KCTD17: variants seen among roughly 807,000 people sequenced by gnomAD.
KCTD17 encodes potassium channel tetramerization domain containing 17, also known as BTB/POZ domain-containing protein KCTD17.
Under a neutral mutation model 41.5 loss-of-function variants are expected in KCTD17, and 20 were observed. The ratio of observed to expected loss-of-function variants is 0.48; its 90% CI spans 0.34 to 0.70. The LOEUF is 0.70. KCTD17 is among the 30% of genes least tolerant of loss of function. The pLI, the probability that KCTD17 is intolerant of heterozygous loss-of-function variation, is 0.01. For missense variants in KCTD17, 317 were observed against 427.2 expected, an observed-to-expected ratio of 0.74 and a Z score of 2.27; for synonymous variants, 156 against 173.8, an observed-to-expected ratio of 0.90 and a Z score of 0.80.
In KCTD17 at chr22:37,052,006, G is replaced by A. The variant is rs1186375123; in HGVS notation, c.189+57G>A. The A allele has an allele frequency of 6.1e-6, 8 of 1,315,632 alleles. No individual in the cohort carries two copies. In the Admixed American group the frequency reaches 1.8e-4, roughly 29 times the overall value. The allele number at this position is 1,315,632 out of a possible 1,614,324, so 81.5% of individuals were successfully genotyped here. ...GGTGGGTCCTCCGCTCGCCCGACGCGGGGCTGTCGGGCCTGGCTCGCCCGC... is the reference window on the plus strand; with the variant it reads ...GGTGGGTCCTCCGCTCGCCCGACGCAGGGCTGTCGGGCCTGGCTCGCCCGC... On this transcript the variant is annotated intron_variant, in intron 1 of 8. Coordinates refer to ENST00000403888, the MANE Select transcript of KCTD17 (RefSeq NM_001282684.2).
At chr22:37,056,481 C>G in intron 3 of KCTD17, 70 bp downstream of exon 3, 1 of 1,329,700 alleles carries the variant, frequency 7.5e-7, no homozygotes, top group Non-Finnish European at 1.1e-6. Context: ...AGAGACGGGG[C>G]GGGAAGCAGA....
In KCTD17 at chr22:37,061,168, C is replaced by T. The variant is rs548803912; in HGVS notation, c.777C>T (p.Pro259=). 146 of 1,550,934 alleles carry T rather than the reference C, an allele frequency of 9.4e-5. 1 individual carries two copies. The highest frequency in any genetic ancestry group is 2.2e-4 in the African/African-American group (16 of 73,152). The part of the protein sequence containing the change: ...SLPPLPPPPL[P]AGGSRPHPLR... ...CACCACTGCCTCCTCCTCCGCTTCC[C>T]GCTGGAGGTCCTGCCTCATCTTCAT... Residue 259 remains proline (P), a synonymous_variant, in exon 7 of 9, where the codon CCC becomes CCT. Transcript: ENST00000403888. The surrounding 1 kb of genome is among the most constrained non-coding windows in gnomAD (Gnocchi z 6.6).
At position 37,051,942 on chromosome 22, in the gene KCTD17, C is replaced by T; in HGVS notation, c.182C>T (p.Ser61Leu). Reference protein sequence around the residue: ...SRLCQGEELQSDRDETGAYLI... With the variant: ...SRLCQGEELQLDRDETGAYLI... ...CTGTGCCAGGGGGAAGAGCTGCAGT[C>T]GGACCGGGTGAGGCCCCCGGGGTGG... Residue 61 changes from serine to leucine, a missense_variant, in exon 1 of 9, where the codon TCG becomes TTG. Coordinates refer to ENST00000403888, the MANE Select transcript of KCTD17 (RefSeq NM_001282684.2). The T allele has an allele frequency of 6.7e-7, 1 of 1,488,580 alleles. No homozygotes were observed. The highest frequency in any genetic ancestry group is 1.4e-5 in the African/African-American group (1 of 69,112). 92.2% of individuals were successfully genotyped at this position (1,488,580 alleles called of 1,614,324 possible).
At position 37,053,193 on chromosome 22, in the gene KCTD17, G is replaced by C. The variant is rs1196558342; in HGVS notation, c.283G>C (p.Asp95His). ...GCATGGCAAGCTGGTGCTGGACAAGGACATGGCTGAGGAGGGTGAGTTGGT... is the reference window on the plus strand; with the variant it reads ...GCATGGCAAGCTGGTGCTGGACAAGCACATGGCTGAGGAGGGTGAGTTGGT... ...LRHGKLVLDK[D>H]MAEEGVLEEA... Residue 95 changes from aspartate to histidine, a missense_variant, in exon 2 of 9, where the codon GAC becomes CAC. By Grantham distance (81) the Asp-to-His change is moderately conservative (BLOSUM62 -1). Coordinates refer to ENST00000403888, the MANE Select transcript of KCTD17 (RefSeq NM_001282684.2). This position sits in a 1 kb window ranked among gnomAD's most constrained non-coding sequence, Gnocchi z 4.1. The C allele has an allele frequency of 3.7e-6, 6 of 1,603,316 alleles. No individual in the cohort carries two copies. The highest frequency in any genetic ancestry group is 5.1e-6 in the Non-Finnish European group (6 of 1,175,174).
chr22:37,055,516 AG>A (rs1391228455), intron 2 of KCTD17, among the ~76,000 whole-genome samples: 2 of 152,202 alleles, frequency 1.3e-5, no homozygotes, highest in African/African-American at 4.8e-5. Context: ...AGGCCAGTCA[AG>A]GAAAGGGCCC....
chr22:37,062,778 C>G lies in KCTD17; in HGVS notation c.*184C>G. ...CCCCAGGACCTCTGGGCAGAGTGGA[C>G]TGCTCATGGCAGATGTGTGGCAATG... On this transcript the variant is annotated 3_prime_UTR_variant, in exon 9 of 9. Coordinates refer to ENST00000403888, the MANE Select transcript of KCTD17 (RefSeq NM_001282684.2). The G allele has an allele frequency of 7.6e-7, 1 of 1,312,240 alleles. No homozygotes were observed. 81.3% of individuals were successfully genotyped at this position (1,312,240 alleles called of 1,614,324 possible). A position where few individuals can be genotyped will look rare whatever the true frequency, so the allele number is the denominator to read the frequency against.
rs1925973846 is a variant in KCTD17 at position 37,063,004 on chromosome 22, A to C, written c.*410A>C. 1.6e-5 allele frequency: 3 copies of C among 189,356 alleles called. No homozygotes were observed. The highest frequency in any genetic ancestry group is 1.5e-4 in the East Asian group (1 of 6,838). 11.7% of individuals were successfully genotyped at this position (189,356 alleles called of 1,614,324 possible). Reference sequence around the variant, plus strand: ...CCCTGAAGGCCCTCAGGCAGTATATAGGGGCCGCCCACCTTCAGCTGCCCT... The same window carrying C: ...CCCTGAAGGCCCTCAGGCAGTATATCGGGGCCGCCCACCTTCAGCTGCCCT... On this transcript the variant is annotated 3_prime_UTR_variant, in exon 9 of 9. Coordinates refer to ENST00000403888, the MANE Select transcript of KCTD17 (RefSeq NM_001282684.2). The surrounding 1 kb of genome is among the most constrained non-coding windows in gnomAD (Gnocchi z 4.6).
chr22:37,057,353 C>G lies in KCTD17; in HGVS notation c.391-45C>G, dbSNP rs768710127. 4 of 1,518,794 alleles carry G rather than the reference C, an allele frequency of 2.6e-6. No individual in the cohort carries two copies. In the South Asian group the frequency reaches 3.4e-5, roughly 13 times the overall value. The allele number at this position is 1,518,794 out of a possible 1,614,324, so 94.1% of individuals were successfully genotyped here. On this transcript the variant is annotated intron_variant, in intron 3 of 8. Transcript: ENST00000403888. ...GGTGCTCATGCCCCTCCTGGGGTGC[C>G]TGGTGCTCCCACAGGTGCCCTCTAT...
chr22:37,060,917 A>G lies in KCTD17; in HGVS notation c.707A>G (p.Glu236Gly). ...EQVQVEADAQ[E>G]KAQSSQDPAN... ...GTGCAGGTGGAGGCAGATGCACAGG[A>G]GAAAGGTGCAGCCAACCCCCAGGAG... The change falls in exon 6 of 9, where the codon GAG becomes GGG. Residue 236 changes from glutamate to glycine, a missense_variant. This residue lies in a region of KCTD17 where 177 missense variants were observed against 194.4 expected (regional missense o/e 0.91). Transcript: ENST00000403888. 6.5e-7 allele frequency: 1 copy of G among 1,541,082 alleles called. No individual in the cohort carries two copies. Among genetic ancestry groups the G allele is most frequent in the Non-Finnish European group, 8.8e-7 (1 of 1,141,310 alleles).
intron 6 of KCTD17, 23 bp downstream of exon 6, chr22:37,060,945 T>C (rs1434347103): frequency 6.5e-7 from 1 of 1,536,720 alleles, no homozygotes; most frequent in Non-Finnish European, 8.8e-7. Flanking sequence ...CCCAGGAGGA[T>C]GATTGCTAAG....
Position 37,053,055 on chromosome 22 carries a change from G to A in KCTD17, c.190-45G>A, listed in dbSNP as rs1244392216. 2 of 1,468,432 alleles carry A rather than the reference G, an allele frequency of 1.4e-6. No homozygotes were observed. Among genetic ancestry groups the A allele is most frequent in the East Asian group, 2.5e-5 (1 of 40,626 alleles). The allele number at this position is 1,468,432 out of a possible 1,614,324, so 91.0% of individuals were successfully genotyped here. On this transcript the variant is annotated intron_variant, in intron 1 of 8. Coordinates refer to ENST00000403888, the MANE Select transcript of KCTD17 (RefSeq NM_001282684.2). This position sits in a 1 kb window ranked among gnomAD's most constrained non-coding sequence, Gnocchi z 4.1. ...CTGTGCGTGTGCGGGGTTGGCTGGGGAGAAGCCTCACTCTTCTCTCACCGA... is the reference window on the plus strand; with the variant it reads ...CTGTGCGTGTGCGGGGTTGGCTGGGAAGAAGCCTCACTCTTCTCTCACCGA...
In KCTD17 at chr22:37,052,192, C is replaced by T. The variant is rs75883417; in HGVS notation, c.189+243C>T. 4,609 of 485,252 alleles carry T rather than the reference C, an allele frequency of 9.5e-3. 153 individuals are homozygous for T. The highest frequency in any genetic ancestry group is 0.079 in the African/African-American group (3,963 of 50,194). 30.1% of individuals were successfully genotyped at this position (485,252 alleles called of 1,614,324 possible). Reference sequence around the variant, plus strand: ...GCCATTAGAAGCTCTCCAGCCGCCCCGGATCGGGGCCTCTCCTTCTCCTTT... The same window carrying T: ...GCCATTAGAAGCTCTCCAGCCGCCCTGGATCGGGGCCTCTCCTTCTCCTTT... On this transcript the variant is annotated intron_variant, in intron 1 of 8. Coordinates refer to ENST00000403888, the MANE Select transcript of KCTD17 (RefSeq NM_001282684.2).
rs939954939 is a variant in KCTD17 at position 37,052,012 on chromosome 22, G to C, written c.189+63G>C. 11 of 1,304,520 alleles carry C rather than the reference G, an allele frequency of 8.4e-6. No homozygotes were observed. In the East Asian group the frequency reaches 2.8e-4, roughly 33 times the overall value. 80.8% of individuals were successfully genotyped at this position (1,304,520 alleles called of 1,614,324 possible). A position where few individuals can be genotyped will look rare whatever the true frequency, so the allele number is the denominator to read the frequency against. On this transcript the variant is annotated intron_variant, in intron 1 of 8. Coordinates refer to ENST00000403888, the MANE Select transcript of KCTD17 (RefSeq NM_001282684.2). ...TCCTCCGCTCGCCCGACGCGGGGCT[G>C]TCGGGCCTGGCTCGCCCGCCAGGCT...
intron 3 of KCTD17, among the ~76,000 whole-genome samples, chr22:37,056,933 G>A (rs1011670664): frequency 1.3e-5 from 2 of 152,024 alleles, no homozygotes; most frequent in East Asian, 1.9e-4. Context: ...CTACTCTGGG[G>A]GATGTGTGAG....
In KCTD17 at chr22:37,061,089, A is replaced by C. The variant is rs1368174524; in HGVS notation, c.713-15A>C. 3 of 1,550,840 alleles carry C rather than the reference A, an allele frequency of 1.9e-6. No individual in the cohort carries two copies. The highest frequency in any genetic ancestry group is 2.7e-5 in the African/African-American group (2 of 72,792). ...CACCCGCATAACCATCCCTTCTCTC[A>C]CTTTCTCTTTGCAGCCCAGTCATCT... On this transcript the variant is annotated splice_polypyrimidine_tract_variant and intron_variant, in intron 6 of 8. Transcript: ENST00000403888. This position sits in a 1 kb window ranked among gnomAD's most constrained non-coding sequence, Gnocchi z 6.6.
Position 37,052,740 on chromosome 22 carries a change from G to A in KCTD17, c.190-360G>A, listed in dbSNP as rs189534588. ...CATCCCCTGAAAGCCTAGGGACCTG[G>A]GGGCGACAGTGGGGCTGGCTTCAGG... On this transcript the variant is annotated intron_variant, in intron 1 of 8. Transcript: ENST00000403888. The A allele has an allele frequency of 1.1e-5, 5 of 448,196 alleles. No individual in the cohort carries two copies. The East Asian group carries it at 3.4e-4, about 30-fold the overall frequency. 27.8% of individuals were successfully genotyped at this position (448,196 alleles called of 1,614,324 possible). A position where few individuals can be genotyped will look rare whatever the true frequency, so the allele number is the denominator to read the frequency against.
At position 37,062,818 on chromosome 22, in the gene KCTD17, T is replaced by G; in HGVS notation, c.*224T>G. On this transcript the variant is annotated 3_prime_UTR_variant, in exon 9 of 9. Transcript: ENST00000403888. Reference sequence around the variant, plus strand: ...GTGTGGCAATGTCTGGCTGTGTCTCTCCGGCACCTGCGTCCCCTCTCCCGG... The same window carrying G: ...GTGTGGCAATGTCTGGCTGTGTCTCGCCGGCACCTGCGTCCCCTCTCCCGG... The G allele has an allele frequency of 9.9e-7, 1 of 1,006,450 alleles. No homozygotes were observed. The highest frequency in any genetic ancestry group is 1.4e-6 in the Non-Finnish European group (1 of 717,906). 62.3% of individuals were successfully genotyped at this position (1,006,450 alleles called of 1,614,324 possible). A position where few individuals can be genotyped will look rare whatever the true frequency, so the allele number is the denominator to read the frequency against.
chr22:37,061,500 C>T lies in KCTD17; in HGVS notation c.785-39C>T, dbSNP rs772227012. On this transcript the variant is annotated intron_variant, in intron 7 of 8. Coordinates refer to ENST00000403888, the MANE Select transcript of KCTD17 (RefSeq NM_001282684.2). The surrounding 1 kb of genome is among the most constrained non-coding windows in gnomAD (Gnocchi z 6.6). ...CTGGCTGCAGGCCCTGCCCCCCCTC[C>T]TCTCCTCCCGGCCTCCTCCTCACGT... The T allele has an allele frequency of 1.1e-5, 18 of 1,582,598 alleles. No homozygotes were observed. The African/African-American group carries it at 2.4e-4, about 21-fold the overall frequency.
chr22:37,059,373 G>A lies in KCTD17; in HGVS notation c.547G>A (p.Val183Met). Residue 183 changes from valine (V) to methionine (M), a missense_variant, in exon 5 of 9, where the codon GTG becomes ATG. This residue lies in a region of KCTD17 where 177 missense variants were observed against 194.4 expected (regional missense o/e 0.91). Transcript: ENST00000403888. ...CGAGGACCAGGCAGAGTTCCTGTGT[G>A]TGGTGTCCAAGGAGCTCCACAGCAC... Reference protein sequence around the residue: ...GSEDQAEFLCVVSKELHSTPN... With the variant: ...GSEDQAEFLCMVSKELHSTPN... The A allele has an allele frequency of 6.2e-7, 1 of 1,613,134 alleles. No homozygotes were observed. Among genetic ancestry groups the A allele is most frequent in the Non-Finnish European group, 8.5e-7 (1 of 1,179,844 alleles).
Sources: gnomAD v4.1 joint callset for allele counts (sites outside exome capture counted in the v4.1 genomes callset) on GRCh38, gnomAD v4.1.1 for gene constraint, gnomAD v4.1.1 regional missense constraint, Gnocchi (gnomAD v3.1) non-coding constraint, MANE v1.5 for transcripts, NCBI Gene and HGNC (gene_info 2026-07-23, HGNC 2026-07-21) for gene names.